GSG1L: variants seen among roughly 807,000 people sequenced by gnomAD.
GSG1L encodes GSG1 like, also known as germ cell-specific gene 1-like protein.
In GSG1L, 24 loss-of-function variants were observed where a neutral mutation model predicts 42.1. The ratio of observed to expected loss-of-function variants is 0.57; its 90% CI spans 0.41 to 0.80. The LOEUF (loss-of-function observed/expected upper bound fraction) is 0.80, where lower values mean the gene tolerates loss of function less well. Ranked by LOEUF, GSG1L falls within the 30% of genes least tolerant of loss-of-function variation. The pLI is 0.00. For synonymous variants in GSG1L, 215 were observed against 203.5 expected (o/e 1.06, Z -0.48); for missense variants, 445 against 472.2 (o/e 0.94, Z 0.53).
intron 2 of GSG1L, among the ~76,000 whole-genome samples, chr16:27,903,637 C>T (rs547719330): frequency 4.6e-5 from 7 of 152,108 alleles, no homozygotes; most frequent in South Asian, 2.1e-4. Flanking sequence ...TGCTCAGATG[C>T]CCCCCCTTGG....
chr16:27,806,329 G>A (rs142452053), intron 6 of GSG1L, among the ~76,000 whole-genome samples: 180 of 152,284 alleles, frequency 1.2e-3, no homozygotes, highest in Non-Finnish European at 1.9e-3. Flanking sequence ...CTCCCCACTA[G>A]CAGAGCCATT....
At chr16:28,051,812 G>A (rs1256783427) in intron 1 of GSG1L, among the ~76,000 whole-genome samples, 4 of 152,210 alleles carry the variant, frequency 2.6e-5, no homozygotes, top group Non-Finnish European at 5.9e-5. Flanking sequence ...TAGCTACCAG[G>A]AGGACATTGG....
intron 6 of GSG1L, 148 bp downstream of exon 6, chr16:27,807,339 G>T: frequency 1.6e-6 from 1 of 611,760 alleles, no homozygotes; most frequent in Non-Finnish European, 2.8e-6. Flanking sequence ...TGAGACACCA[G>T]ACTCAGTTTC....
Position 27,788,774 on chromosome 16 carries a change from A to G in GSG1L, c.*2596T>C, listed in dbSNP as rs2082719536. On this transcript the variant is annotated 3_prime_UTR_variant, in exon 7 of 7. Coordinates refer to ENST00000447459, the MANE Select transcript of GSG1L (RefSeq NM_001109763.2). ...AGGCTCTGTTCTAGACACTTCAAAT[A>G]TGTTAGCTCATTTAATTTGCACAAC... The G allele has an allele frequency of 6.6e-6, 1 of 152,226 alleles. No individual in the cohort carries two copies. Among genetic ancestry groups the G allele is most frequent in the African/African-American group, 2.4e-5 (1 of 41,454 alleles). 9.4% of individuals were successfully genotyped at this position (152,226 alleles called of 1,614,324 possible).
chr16:27,897,313 T>C (rs766086347), intron 2 of GSG1L, among the ~76,000 whole-genome samples: 1 of 150,580 alleles, frequency 6.6e-6, no homozygotes, highest in Non-Finnish European at 1.5e-5. Flanking sequence ...TCTTCTTCCT[T>C]TTTGAGACAG....
intron 6 of GSG1L, among the ~76,000 whole-genome samples, chr16:27,797,033 T>C (rs1031758557): frequency 6.6e-6 from 1 of 152,210 alleles, no homozygotes; most frequent in Non-Finnish European, 1.5e-5. Flanking sequence ...TTCCTGTCCA[T>C]GGACTCATTT....
At chr16:27,821,661 G>A (rs922206683) in intron 5 of GSG1L, among the ~76,000 whole-genome samples, 6 of 152,102 alleles carry the variant, frequency 3.9e-5, no homozygotes, top group African/African-American at 7.2e-5. Flanking sequence ...AGCACTTTGG[G>A]AGGCAGAGGA....
chr16:27,876,588 G>A (rs1204995908), intron 3 of GSG1L, among the ~76,000 whole-genome samples: 1 of 152,206 alleles, frequency 6.6e-6, no homozygotes, highest in Non-Finnish European at 1.5e-5. Context: ...CCTGGCTCCT[G>A]GCACTGGTAC....
chr16:27,984,978 G>A (rs1022774778), intron 1 of GSG1L, among the ~76,000 whole-genome samples: 9 of 151,976 alleles, frequency 5.9e-5, no homozygotes, highest in Admixed American at 2.0e-4. Flanking sequence ...GGCTGGTCTC[G>A]AGCTCCTGGC....
chr16:27,945,116 G>A (rs145801028), intron 2 of GSG1L, among the ~76,000 whole-genome samples: 1 of 149,956 alleles, frequency 6.7e-6, no homozygotes, highest in African/African-American at 2.5e-5. Context: ...GTTTGCCTCC[G>A]TCTCTTGGAG....
intron 2 of GSG1L, among the ~76,000 whole-genome samples, chr16:27,915,072 C>A (rs74015140): frequency 0.016 from 2,450 of 151,974 alleles, 60 homozygotes; most frequent in African/African-American, 0.056. Flanking sequence ...GGCTCTTAAC[C>A]GTAGATATCA....
chr16:27,997,670 T>C (rs2085532197), intron 1 of GSG1L, among the ~76,000 whole-genome samples: 1 of 152,010 alleles, frequency 6.6e-6, no homozygotes, highest in South Asian at 2.1e-4. Flanking sequence ...TTGTTGATTT[T>C]ATTAATTTTT....
At chr16:27,825,089 C>T (rs2083194582) in intron 5 of GSG1L, among the ~76,000 whole-genome samples, 1 of 152,196 alleles carries the variant, frequency 6.6e-6, no homozygotes, top group South Asian at 2.1e-4. Flanking sequence ...CACATCCTCT[C>T]TCCTGGGGCT....
At chr16:28,020,594 T>G (rs1031178328) in intron 1 of GSG1L, among the ~76,000 whole-genome samples, 1 of 152,170 alleles carries the variant, frequency 6.6e-6, no homozygotes, top group Non-Finnish European at 1.5e-5. Flanking sequence ...CTGGTGAGCT[T>G]CATCTCCTGG....
intron 1 of GSG1L, among the ~76,000 whole-genome samples, chr16:28,042,368 G>A (rs916368803): frequency 7.9e-5 from 12 of 151,496 alleles, no homozygotes; most frequent in Admixed American, 2.0e-4. Context: ...CCCGGGGGGC[G>A]GAGGTTGCAG....
chr16:28,050,122 GAGACA>G (rs2086206284), intron 1 of GSG1L, among the ~76,000 whole-genome samples: 1 of 152,076 alleles, frequency 6.6e-6, no homozygotes, highest in African/African-American at 2.4e-5. Flanking sequence ...AATACCAAAG[GAGACA>G]AGACAATTTC....
chr16:27,810,663 CA>C (rs1178975151), intron 5 of GSG1L, among the ~76,000 whole-genome samples: 3 of 151,896 alleles, frequency 2.0e-5, no homozygotes, highest in African/African-American at 7.3e-5. Context: ...TTCAGTTCAA[CA>C]AAAGGATAAT....
At chr16:27,864,817 C>G (rs1381346157) in intron 3 of GSG1L, among the ~76,000 whole-genome samples, 4 of 152,212 alleles carry the variant, frequency 2.6e-5, no homozygotes, top group Admixed American at 2.0e-4. Context: ...GTCTTGGGCC[C>G]TCTCTGCTGG....
intron 1 of GSG1L, among the ~76,000 whole-genome samples, chr16:28,025,785 G>C (rs998625865): frequency 6.6e-6 from 1 of 152,326 alleles, no homozygotes; most frequent in Non-Finnish European, 1.5e-5. Flanking sequence ...AGTGTGTTGG[G>C]ACAGAAGAGG....
Sources: allele counts gnomAD v4.1 joint callset (sites outside exome capture counted in the v4.1 genomes callset), GRCh38; gene constraint gnomAD v4.1.1; transcripts MANE v1.5; gene names NCBI Gene and HGNC (gene_info 2026-07-23, HGNC 2026-07-21).